Variants in MPDU1 observed in about 807,000 individuals in gnomAD.
The protein encoded by MPDU1 is mannose-P-dolichol utilization defect 1, also known as mannose-P-dolichol utilization defect 1 protein.
Under a neutral mutation model 27.6 loss-of-function variants are expected in MPDU1, and 18 were observed. The ratio of observed to expected loss-of-function variants is 0.65; its 90% CI spans 0.45 to 0.97. MPDU1 has a LOEUF of 0.97. MPDU1 is among the 50% of genes least tolerant of loss of function. The pLI is 0.00. For synonymous variants in MPDU1, 142 were observed against 131.1 expected (o/e 1.08, Z -0.57); for missense variants, 279 against 297.4 (o/e 0.94, Z 0.46).
chr17:7,586,665 T>G (rs368671847), intron 3 of MPDU1, 27 bp from the exon 4 acceptor site: 31 of 1,609,116 alleles, frequency 1.9e-5, no homozygotes, highest in South Asian at 1.9e-4. Flanking sequence ...GGCCCGCCTT[T>G]CTTCCTCCCA....
In MPDU1 at chr17:7,587,461, G is replaced by C. The variant is rs753333249; in HGVS notation, c.654G>C (p.Val218=). 1 of 1,613,838 alleles carries C rather than the reference G, an allele frequency of 6.2e-7. No homozygotes were observed. Among genetic ancestry groups the C allele is most frequent in the African/African-American group, 1.3e-5 (1 of 74,926 alleles). Residue 218 remains valine (V), a synonymous_variant, in exon 7 of 7, where the codon GTG becomes GTC. Coordinates refer to ENST00000250124, the MANE Select transcript of MPDU1 (RefSeq NM_004870.4). ...ATCCCCTGATGGCTGGGACCTTTGT[G>C]GTCTCCTCTCTCTGCAACGGCCTCA... ...TGDPLMAGTF[V]VSSLCNGLIA... is the part of the protein sequence containing the mutation.
intron 1 of MPDU1, 126 bp from the exon 2 acceptor site, chr17:7,585,606 C>A: frequency 1.2e-6 from 1 of 867,612 alleles, no homozygotes. Context: ...CTCCGCCTCT[C>A]CTCCCCCCAA....
upstream of MPDU1, chr17:7,583,735 A>C: frequency 1.0e-6 from 1 of 971,720 alleles, no homozygotes; most frequent in Non-Finnish European, 1.7e-6. Flanking sequence ...GTAGCGTCAG[A>C]AAGAGCGGGG....
intron 3 of MPDU1, 138 bp downstream of exon 3, chr17:7,586,216 C>T (rs559944141): frequency 1.6e-4 from 166 of 1,041,596 alleles, no homozygotes; most frequent in Admixed American, 1.5e-3. Context: ...GAGGCCGAGG[C>T]GGGTGGATCA....
intron 1 of MPDU1, among the ~76,000 whole-genome samples, chr17:7,585,083 G>A (rs1341532896): frequency 2.0e-5 from 3 of 152,166 alleles, no homozygotes; most frequent in Admixed American, 6.5e-5. Context: ...GCCCAGAGAA[G>A]GGAAATAAAG....
rs759015796 is a variant in MPDU1, at chr17:7,587,014, G to T, written c.504G>T (p.Gly168=). 2 of 1,610,516 alleles carry T rather than the reference G, an allele frequency of 1.2e-6. No individual in the cohort carries two copies. Among genetic ancestry groups the T allele is most frequent in the Non-Finnish European group, 8.5e-7 (1 of 1,178,010 alleles). Residue 168 remains glycine (G), a synonymous_variant, in exon 5 of 7, where the codon GGG becomes GGT. Coordinates refer to ENST00000250124, the MANE Select transcript of MPDU1 (RefSeq NM_004870.4). ...QASNVPAVVV[G]RLLQAATNYH... ...CCAATGTGCCTGCTGTGGTGGTGGGGAGGGTGGGTACCAGGAGCAAGGGAC... is the reference window on the plus strand; with the variant it reads ...CCAATGTGCCTGCTGTGGTGGTGGGTAGGGTGGGTACCAGGAGCAAGGGAC...
At position 7,588,021 on chromosome 17, in the gene MPDU1, G is replaced by C; in HGVS notation, c.*470G>C. ...GACTGTCTCCCGGACCCCAGTGCTG[G>C]GGTGGGGGAAGGGGGACGGAGAATG... On this transcript the variant is annotated 3_prime_UTR_variant, in exon 7 of 7. Transcript: ENST00000250124. 1 of 494,912 alleles carries C rather than the reference G, an allele frequency of 2.0e-6. No individual in the cohort carries two copies. The highest frequency in any genetic ancestry group is 3.9e-6 in the Non-Finnish European group (1 of 254,192). 30.7% of individuals were successfully genotyped at this position (494,912 alleles called of 1,614,324 possible).
Position 7,585,899 on chromosome 17 carries a change from C to A in MPDU1, c.170-47C>A, listed in dbSNP as rs1252696333. 3.7e-6 allele frequency: 6 copies of A among 1,613,822 alleles called. No homozygotes were observed. In the African/African-American group the frequency reaches 8.0e-5, roughly 22 times the overall value. On this transcript the variant is annotated intron_variant, in intron 2 of 6. Coordinates refer to ENST00000250124, the MANE Select transcript of MPDU1 (RefSeq NM_004870.4). ...GTTCTATAGCTGTTGTGTTGCATCCCAAAGAATGGAGAGTCCTCAGTCCTA... is the reference window on the plus strand; with the variant it reads ...GTTCTATAGCTGTTGTGTTGCATCCAAAAGAATGGAGAGTCCTCAGTCCTA...
At position 7,587,687 on chromosome 17, in the gene MPDU1, TTTTAGTGG is replaced by T; in HGVS notation, c.*137_*144del. On this transcript the variant is annotated 3_prime_UTR_variant, in exon 7 of 7. Transcript: ENST00000250124. Reference sequence around the variant, plus strand: ...GCAGACTTTCTGAGCCAGGGTTTTCTTTTAGTGGAAACAAATGGTTGATGGATCCAGAT... The same window carrying T: ...GCAGACTTTCTGAGCCAGGGTTTTCTAAACAAATGGTTGATGGATCCAGAT... The T allele has an allele frequency of 7.8e-7, 1 of 1,281,256 alleles. No individual in the cohort carries two copies. The highest frequency in any genetic ancestry group is 1.2e-5 in the South Asian group (1 of 81,318). 79.4% of individuals were successfully genotyped at this position (1,281,256 alleles called of 1,614,324 possible).
intron 3 of MPDU1, 42 bp downstream of exon 3, chr17:7,586,120 C>T (rs1408136863): frequency 6.2e-6 from 10 of 1,610,356 alleles, no homozygotes; most frequent in Middle Eastern, 2.1e-4. Flanking sequence ...ATACCCACAA[C>T]TCTAATGGGG....
chr17:7,585,657 G>C, intron 1 of MPDU1, 75 bp from the exon 2 acceptor site: 1 of 1,452,362 alleles, frequency 6.9e-7, no homozygotes, highest in Non-Finnish European at 9.7e-7. Flanking sequence ...GGCTCGGGGA[G>C]AGCCCACAGG....
At position 7,587,493 on chromosome 17, in the gene MPDU1, C is replaced by T; in HGVS notation, c.686C>T (p.Ala229Val). The T allele has an allele frequency of 6.2e-7, 1 of 1,613,688 alleles. No individual in the cohort carries two copies. Among genetic ancestry groups the T allele is most frequent in the Non-Finnish European group, 8.5e-7 (1 of 1,179,954 alleles). Residue 229 changes from alanine to valine, a missense_variant, in exon 7 of 7, where the codon GCC (alanine) becomes GTC (valine). By Grantham distance (64) the Ala-to-Val change is moderately conservative. Coordinates refer to ENST00000250124, the MANE Select transcript of MPDU1 (RefSeq NM_004870.4). ...VSSLCNGLIA[A>V]QLLFYWNAKP... ...TCTCTCTGCAACGGCCTCATCGCCGCCCAGCTGCTCTTCTACTGGAATGCA... is the reference window on the plus strand; with the variant it reads ...TCTCTCTGCAACGGCCTCATCGCCGTCCAGCTGCTCTTCTACTGGAATGCA...
rs762930935 is a variant in MPDU1 at position 7,586,930 on chromosome 17, C to A, written c.420C>A (p.Val140=). The A allele has an allele frequency of 1.9e-6, 3 of 1,613,996 alleles. No individual in the cohort carries two copies. The highest frequency in any genetic ancestry group is 2.5e-6 in the Non-Finnish European group (3 of 1,180,002). The change falls in exon 5 of 7, where the codon GTC becomes GTA. Residue 140 remains valine, a synonymous_variant. Coordinates refer to ENST00000250124, the MANE Select transcript of MPDU1 (RefSeq NM_004870.4). ...CTTTCCTCGCTTGCTACGGCCTGGT[C>A]CTGCTGGTGCTTCTCTCACCTCTGA... is the stretch of plus-strand genomic sequence containing the variant. ...GVAFLACYGL[V]LLVLLSPLTP... is the part of the protein sequence containing the mutation.
Position 7,587,671 on chromosome 17 carries a change from C to T in MPDU1, c.*120C>T, listed in dbSNP as rs564782224. 7.1e-7 allele frequency: 1 copy of T among 1,400,090 alleles called. No individual in the cohort carries two copies. Among genetic ancestry groups the T allele is most frequent in the Admixed American group, 1.7e-5 (1 of 57,444 alleles). The allele number at this position is 1,400,090 out of a possible 1,614,324, so 86.7% of individuals were successfully genotyped here. The stretch of plus-strand genomic sequence containing the variant: ...CCATTCCTCTGCACTTGCAGACTTT[C>T]TGAGCCAGGGTTTTCTTTTAGTGGA... On this transcript the variant is annotated 3_prime_UTR_variant, in exon 7 of 7. Transcript: ENST00000250124.
At position 7,586,023 on chromosome 17, in the gene MPDU1, C is replaced by G. The variant is rs762404595; in HGVS notation, c.247C>G (p.Leu83Val). The G allele has an allele frequency of 3.1e-6, 5 of 1,613,978 alleles. No individual in the cohort carries two copies. In the African/African-American group the frequency reaches 6.7e-5, roughly 22 times the overall value. ...GLSLQSVMLELVALTGTMVYS... is the reference protein window; with the variant it reads ...GLSLQSVMLEVVALTGTMVYS... Reference sequence around the variant, plus strand: ...GAGTCTCCAGTCTGTAATGCTGGAGCTAGTGGCATTGACTGGGACCATGGT... The same window carrying G: ...GAGTCTCCAGTCTGTAATGCTGGAGGTAGTGGCATTGACTGGGACCATGGT... Residue 83 changes from leucine to valine, a missense_variant, in exon 3 of 7, where the codon CTA (leucine) becomes GTA (valine). By Grantham distance (32) the Leu-to-Val change is conservative (BLOSUM62 1). Coordinates refer to ENST00000250124, the MANE Select transcript of MPDU1 (RefSeq NM_004870.4).
intron 1 of MPDU1, 28 bp downstream of exon 1, chr17:7,583,993 G>C (rs369644242): frequency 6.2e-7 from 1 of 1,606,176 alleles, no homozygotes; most frequent in Non-Finnish European, 8.5e-7. Flanking sequence ...TCCGATCCAA[G>C]TCCTACTCGA....
chr17:7,586,581 G>T, intron 3 of MPDU1, 111 bp from the exon 4 acceptor site: 4 of 942,636 alleles, frequency 4.2e-6, no homozygotes, highest in Non-Finnish European at 6.9e-6. Context: ...CCGTGTGGGG[G>T]CTGTAGAGAA....
intron 1 of MPDU1, chr17:7,584,199 G>A: frequency 3.3e-6 from 2 of 602,120 alleles, no homozygotes; most frequent in South Asian, 2.0e-5. Flanking sequence ...GTGCTGTAGC[G>A]ACAATGAAAA....
chr17:7,584,837 CA>C (rs1313884178), intron 1 of MPDU1, among the ~76,000 whole-genome samples: 68 of 152,016 alleles, frequency 4.5e-4, no homozygotes, highest in Middle Eastern at 3.4e-3. Flanking sequence ...ACTAAAAATA[CA>C]AAAAATTAGC....
Sources: gnomAD v4.1 joint callset for allele counts (sites outside exome capture counted in the v4.1 genomes callset) on GRCh38, gnomAD v4.1.1 for gene constraint, MANE v1.5 for transcripts, NCBI Gene and HGNC (gene_info 2026-07-23, HGNC 2026-07-21) for gene names.